STS: variants seen among roughly 807,000 people sequenced by gnomAD.
STS encodes the protein steryl-sulfatase.
STS carries 7 observed loss-of-function variants against 26.8 expected under a neutral mutation model. That is an observed-to-expected ratio of 0.26 (90% CI 0.15 to 0.49). The LOEUF (loss-of-function observed/expected upper bound fraction) is 0.49. Among genes scored for constraint, STS ranks in the 20% least tolerant of loss-of-function variants. The pLI is 0.98. For synonymous variants in STS, 199 were observed against 189.4 expected, an observed-to-expected ratio of 1.05 and a Z score of -0.42; for missense variants, 434 against 465.6, an observed-to-expected ratio of 0.93 and a Z score of 0.63.
In STS at chrX:7,277,092, A is replaced by C. The variant is rs1232546448; in HGVS notation, c.943+1005A>C. 4.5e-5 allele frequency among the ~76,000 whole-genome samples: 5 copies of C among 111,087 alleles called. No individual in the cohort carries two copies. In the South Asian group the frequency reaches 1.5e-3, roughly 34 times the overall value. On this transcript the variant is annotated intron_variant, in intron 7 of 10. Coordinates refer to ENST00000674429, the MANE Select transcript of STS (RefSeq NM_001320752.2). Reference sequence around the variant, plus strand: ...TGTGAGTTACGCAAAGGAGTGAAAAATCAGCATTCCAGTCCACTCGGAACT... The same window carrying C: ...TGTGAGTTACGCAAAGGAGTGAAAACTCAGCATTCCAGTCCACTCGGAACT...
At chrX:7,265,332 T>C (rs1337182254) in intron 6 of STS, among the ~76,000 whole-genome samples, 2 of 112,020 alleles carry the variant, frequency 1.8e-5, no homozygotes, top group East Asian at 5.6e-4. Context: ...ATACAATGGA[T>C]AGTCAGAAAT....
chrX:7,253,442 A>G, intron 3 of STS, 106 bp downstream of exon 3: 1 of 1,042,504 alleles, frequency 9.6e-7, no homozygotes. Flanking sequence ...GAAACGTTCA[A>G]AACCCTCCAA....
intron 9 of STS, among the ~76,000 whole-genome samples, chrX:7,329,800 A>G (rs1054480057): frequency 8.9e-6 from 1 of 111,815 alleles, no homozygotes; most frequent in Admixed American, 9.5e-5. Flanking sequence ...GGAGTCCTTC[A>G]TGGCCAATCA....
intron 7 of STS, among the ~76,000 whole-genome samples, chrX:7,302,027 G>A (rs1365534133): frequency 1.8e-5 from 2 of 112,116 alleles, no homozygotes; most frequent in African/African-American, 6.5e-5. Context: ...ATATTTGTGT[G>A]TGGGTTTTTG....
chrX:7,205,772 T>C (rs7050336), intron 2 of STS, among the ~76,000 whole-genome samples: 5,158 of 107,887 alleles, frequency 0.048, 113 homozygotes, highest in Middle Eastern at 0.065. Context: ...ACCACCACCA[T>C]ACCTGGCTAA....
intron 2 of STS, among the ~76,000 whole-genome samples, chrX:7,247,061 G>A (rs1432733302): frequency 8.9e-6 from 1 of 112,372 alleles, no homozygotes; most frequent in Admixed American, 9.4e-5. Flanking sequence ...ATGTGTGTGT[G>A]TGTGTTTTCA....
intron 2 of STS, among the ~76,000 whole-genome samples, chrX:7,202,077 T>C (rs1284140243): frequency 9.0e-6 from 1 of 111,633 alleles, no homozygotes; most frequent in African/African-American, 3.3e-5. Flanking sequence ...ACGAGTATTT[T>C]CTCCCCATTT....
In STS at chrX:7,279,292, A is replaced by ATAT. The variant is rs1555959584; in HGVS notation, c.943+3205_943+3206insTAT. On this transcript the variant is annotated intron_variant, in intron 7 of 10. Coordinates refer to ENST00000674429, the MANE Select transcript of STS (RefSeq NM_001320752.2). ...GTACTCCAGGAAGAAAAAAAAAAAA[A>ATAT]ATATATATATATATATATATGTGTG... Among the ~76,000 whole-genome samples the ATAT allele has an allele frequency of 8.6e-4, 54 of 62,749 alleles. 1 individual carries two copies. The highest frequency in any genetic ancestry group is 8.2e-3 in the Middle Eastern group (1 of 122). The allele number at this position is 62,749 out of a possible 115,157, so 54.5% of individuals were successfully genotyped here. A position where few individuals can be genotyped will look rare whatever the true frequency, so the allele number is the denominator to read the frequency against.
intron 7 of STS, among the ~76,000 whole-genome samples, chrX:7,299,891 T>C (rs1268169797): frequency 1.8e-5 from 2 of 111,711 alleles, no homozygotes; most frequent in East Asian, 2.8e-4. Context: ...GCAAGAACTT[T>C]AGCACTTAGT....
At chrX:7,177,547 C>A (rs757438975) in intron 1 of STS, among the ~76,000 whole-genome samples, 1 of 107,844 alleles carries the variant, frequency 9.3e-6, no homozygotes, top group South Asian at 4.1e-4. Context: ...CTGGCTGTTA[C>A]CATGGATATC....
intron 8 of STS, among the ~76,000 whole-genome samples, chrX:7,315,883 A>T (rs1157403589): frequency 2.7e-5 from 3 of 111,395 alleles, no homozygotes; most frequent in Non-Finnish European, 5.7e-5. Context: ...TCAAATGTTA[A>T]TCTCTTTTGG....
chrX:7,267,502 T>C (rs921905565), intron 6 of STS, among the ~76,000 whole-genome samples: 2 of 112,342 alleles, frequency 1.8e-5, no homozygotes, highest in Non-Finnish European at 3.8e-5. Flanking sequence ...ATGTCTTCAA[T>C]AGAAAGAGAT....
chrX:7,346,082 C>T (rs1194686386), intron 10 of STS, among the ~76,000 whole-genome samples: 5 of 111,613 alleles, frequency 4.5e-5, no homozygotes, highest in African/African-American at 1.6e-4. Flanking sequence ...TCTCTTTGTT[C>T]ACAGCTTAGT....
At chrX:7,205,979 G>C (rs772122195) in intron 2 of STS, among the ~76,000 whole-genome samples, 1 of 110,545 alleles carries the variant, frequency 9.0e-6, no homozygotes, top group African/African-American at 3.3e-5. Flanking sequence ...TCAGGGTAAA[G>C]GCCAAAGCCG....
At chrX:7,220,517 G>A (rs148280914) in intron 2 of STS, among the ~76,000 whole-genome samples, 4,151 of 105,089 alleles carry the variant, frequency 0.039, 219 homozygotes, top group African/African-American at 0.14. Flanking sequence ...AAATGTTACC[G>A]ATTCCTAAGA....
chrX:7,336,890 A>T (rs1928058431), intron 10 of STS, among the ~76,000 whole-genome samples: 1 of 111,875 alleles, frequency 8.9e-6, no homozygotes, highest in Non-Finnish European at 1.9e-5. Context: ...GTGGAGGAGT[A>T]AAGAGAAAGG....
chrX:7,245,890 A>G (rs1480785013), intron 2 of STS, among the ~76,000 whole-genome samples: 1 of 112,131 alleles, frequency 8.9e-6, no homozygotes, highest in African/African-American at 3.2e-5. Flanking sequence ...ACCTCACTCC[A>G]ATATGAGGTC....
chrX:7,334,012 C>T lies in STS; in HGVS notation c.1268C>T (p.Pro423Leu). The change falls in exon 10 of 11, where the codon CCC becomes CTC. Residue 423 changes from proline (P) to leucine (L), a missense_variant. Pro to Leu is a moderately conservative substitution (Grantham distance 98). Around this residue, in one of 2 missense-constraint regions of STS, gnomAD observed 205 missense variants for 177.3 expected, o/e 1.16. Transcript: ENST00000674429. ...ATCATTGATGGACGTGATCTGATGC[C>T]CCTGCTTGAAGGAAAAAGCCAACGC... ...DRIIDGRDLM[P>L]LLEGKSQRSD... is the part of the protein sequence containing the mutation. The T allele has an allele frequency of 8.3e-7, 1 of 1,211,233 alleles. No homozygotes were observed.
intron 1 of STS, among the ~76,000 whole-genome samples, chrX:7,167,859 T>G (rs1442447544): frequency 9.1e-6 from 1 of 110,476 alleles, no homozygotes; most frequent in Non-Finnish European, 1.9e-5. Context: ...GGCTAATTTT[T>G]TTTTTTTAAG....
Sources: gnomAD v4.1 joint callset for allele counts (sites outside exome capture counted in the v4.1 genomes callset) on GRCh38, gnomAD v4.1.1 for gene constraint, gnomAD v4.1.1 regional missense constraint, MANE v1.5 for transcripts, NCBI Gene and HGNC (gene_info 2026-07-23, HGNC 2026-07-21) for gene names.